SPAG17: variants seen among roughly 807,000 people sequenced by gnomAD.
SPAG17 encodes sperm associated antigen 17, also known as sperm-associated antigen 17.
In SPAG17, 169 loss-of-function variants were observed where a neutral mutation model predicts 273.6. The ratio of observed to expected loss-of-function variants is 0.62; its 90% confidence interval spans 0.55 to 0.70. The LOEUF is 0.70. Among genes scored for constraint, SPAG17 ranks in the 30% least tolerant of loss-of-function variants. The pLI is 0.00. For missense variants in SPAG17, 2,557 were observed against 2,627.8 expected (o/e 0.97, Z 0.59); for synonymous variants, 825 against 873.2 (o/e 0.94, Z 0.97).
chr1:118,132,963 G>A (rs1273962974), intron 3 of SPAG17, among the ~76,000 whole-genome samples: 2 of 152,020 alleles, frequency 1.3e-5, no homozygotes, highest in Non-Finnish European at 1.5e-5. Flanking sequence ...AGTAGAGATA[G>A]GGTTTCACTA....
intron 3 of SPAG17, among the ~76,000 whole-genome samples, chr1:118,117,413 A>C (rs1479643938): frequency 6.6e-6 from 1 of 152,198 alleles, no homozygotes; most frequent in South Asian, 2.1e-4. Context: ...CTGTATTAAA[A>C]TGTATTCAAA....
intron 25 of SPAG17, 131 bp from the exon 26 acceptor site, chr1:118,028,525 C>A: frequency 9.3e-7 from 1 of 1,070,108 alleles, no homozygotes; most frequent in South Asian, 2.1e-5. Flanking sequence ...CCTGCAAGGA[C>A]GCAGGAGTCT....
intron 3 of SPAG17, among the ~76,000 whole-genome samples, chr1:118,143,270 C>T (rs1357526112): frequency 3.3e-5 from 5 of 152,208 alleles, no homozygotes; most frequent in Non-Finnish European, 5.9e-5. Flanking sequence ...CCACAACAGT[C>T]ACTTCCAGAA....
At chr1:118,176,551 G>A (rs1660707717) in intron 1 of SPAG17, among the ~76,000 whole-genome samples, 1 of 152,076 alleles carries the variant, frequency 6.6e-6, no homozygotes, top group African/African-American at 2.4e-5. Context: ...GAGCTCCCAA[G>A]TACATAAAGC....
chr1:118,129,819 C>T (rs763178107), intron 3 of SPAG17, among the ~76,000 whole-genome samples: 1 of 151,020 alleles, frequency 6.6e-6, no homozygotes, highest in Non-Finnish European at 1.5e-5. Context: ...CCTCTTCCTC[C>T]TCCTCCTCTT....
intron 1 of SPAG17, among the ~76,000 whole-genome samples, chr1:118,181,958 A>G (rs1164571098): frequency 6.6e-6 from 1 of 152,164 alleles, no homozygotes; most frequent in Non-Finnish European, 1.5e-5. Context: ...AACAAAATTA[A>G]ATACAGAATT....
intron 40 of SPAG17, among the ~76,000 whole-genome samples, chr1:117,985,503 A>G (rs7517445): frequency 4.0e-4 from 61 of 152,322 alleles, no homozygotes; most frequent in African/African-American, 1.4e-3. Flanking sequence ...TGAGCATGGA[A>G]ATGATGTACT....
In SPAG17 at chr1:117,953,622, G is replaced by A; in HGVS notation, c.*428C>T. On this transcript the variant is annotated 3_prime_UTR_variant, in exon 49 of 49. Transcript: ENST00000336338. Reference sequence around the variant, plus strand: ...TAAAAGTTTTATTCTGTATCAACCAGAAAGCCATTTTTTTGGCAAAAAGTT... The same window carrying A: ...TAAAAGTTTTATTCTGTATCAACCAAAAAGCCATTTTTTTGGCAAAAAGTT... 1 of 1,479,202 alleles carries A rather than the reference G, an allele frequency of 6.8e-7. No individual in the cohort carries two copies. The highest frequency in any genetic ancestry group is 9.2e-7 in the Non-Finnish European group (1 of 1,092,072). 91.6% of individuals were successfully genotyped at this position (1,479,202 alleles called of 1,614,324 possible). A position where few individuals can be genotyped will look rare whatever the true frequency, so the allele number is the denominator to read the frequency against.
In SPAG17 at chr1:118,077,369, C is replaced by T. The variant is rs143723758; in HGVS notation, c.2210-2769G>A. ...GCCCTGAGATCCACCCTCCAGATTGCGTGGCCTCTAGGATACACTGTCCAC... is the reference window on the plus strand; with the variant it reads ...GCCCTGAGATCCACCCTCCAGATTGTGTGGCCTCTAGGATACACTGTCCAC... On this transcript the variant is annotated intron_variant, in intron 15 of 48. Transcript: ENST00000336338. Among the ~76,000 whole-genome samples the T allele has an allele frequency of 4.4e-4, 67 of 152,092 alleles. No homozygotes were observed. The South Asian group carries it at 7.9e-3, about 18-fold the overall frequency.
At chr1:118,054,122 G>A in intron 19 of SPAG17, 29 bp from the exon 20 acceptor site, 1 of 1,452,076 alleles carries the variant, frequency 6.9e-7, no homozygotes, top group Non-Finnish European at 9.6e-7. Context: ...AAACTTCTTA[G>A]TAACTCTTAA....
rs138880128 is a variant in SPAG17 at position 118,086,943 on chromosome 1, C to A, written c.1425G>T (p.Gly475=). The change falls in exon 11 of 49, where the codon GGG becomes GGT. Residue 475 remains glycine (G), a synonymous_variant. Coordinates refer to ENST00000336338, the MANE Select transcript of SPAG17 (RefSeq NM_206996.4). The part of the protein sequence containing the change: ...SLREPSPRAD[G]LDHRIAAHIV... ...TGTGAGCTGCGATTCTGTGGTCTAG[C>A]CCGTCTGCTCTGGGGGATGGCTCCC... 5.6e-6 allele frequency: 9 copies of A among 1,606,474 alleles called. No individual in the cohort carries two copies. The African/African-American group carries it at 9.4e-5, about 17-fold the overall frequency.
In SPAG17 at chr1:118,025,281, C is replaced by A. The variant is rs1314033400; in HGVS notation, c.3866G>T (p.Ser1289Ile). Residue 1289 changes from serine (S) to isoleucine (I), a missense_variant, in exon 27 of 49, where the codon AGT becomes ATT. Ser to Ile is a moderately radical substitution (Grantham distance 142). Transcript: ENST00000336338. ...CATATATTTGACAACAGTGCCTTGA[C>A]TGGTGATAACCCTTGAAGCCTCCTG... The part of the protein sequence containing the change: ...AEQEASRVIT[S>I]QGTVVKYMLD... The A allele has an allele frequency of 6.2e-7, 1 of 1,613,752 alleles. No homozygotes were observed. Among genetic ancestry groups the A allele is most frequent in the South Asian group, 1.1e-5 (1 of 91,080 alleles).
Position 118,012,489 on chromosome 1 carries a change from G to C in SPAG17, c.4288-117C>G. The stretch of plus-strand genomic sequence containing the variant: ...TCAAAGTCCTAGTTATTTATTTATA[G>C]GCAAAGTTTTATCTCATCTACCTGA... On this transcript the variant is annotated intron_variant, in intron 29 of 48. Transcript: ENST00000336338. The C allele has an allele frequency of 2.5e-6, 3 of 1,197,922 alleles. No homozygotes were observed. The East Asian group carries it at 7.4e-5, about 30-fold the overall frequency. 74.2% of individuals were successfully genotyped at this position (1,197,922 alleles called of 1,614,324 possible).
intron 1 of SPAG17, among the ~76,000 whole-genome samples, chr1:118,179,528 T>C (rs1484718517): frequency 3.3e-5 from 5 of 152,058 alleles, no homozygotes; most frequent in African/African-American, 1.2e-4. Context: ...GACATTGGTC[T>C]AGGCAAGTAT....
Position 117,979,301 on chromosome 1 carries a change from C to A in SPAG17, c.6004+1969G>T, listed in dbSNP as rs376972278. Among the ~76,000 whole-genome samples the A allele has an allele frequency of 5.3e-5, 8 of 152,268 alleles. No individual in the cohort carries two copies. In the East Asian group the frequency reaches 1.2e-3, roughly 22 times the overall value. On this transcript the variant is annotated intron_variant, in intron 43 of 48. Coordinates refer to ENST00000336338, the MANE Select transcript of SPAG17 (RefSeq NM_206996.4). The stretch of plus-strand genomic sequence containing the variant: ...ACATCAGCACCACTTGTGAACTCAT[C>A]AAAACTACAAATTCTCAGCCTCACA...
At chr1:117,959,519 T>G in intron 48 of SPAG17, 4 of 1,418,786 alleles carry the variant, frequency 2.8e-6, no homozygotes, top group African/African-American at 1.5e-5. Flanking sequence ...CACAGAAGAG[T>G]TGGCGTCATC....
At chr1:118,065,310 C>T (rs577693913) in intron 18 of SPAG17, among the ~76,000 whole-genome samples, 195 of 152,168 alleles carry the variant, frequency 1.3e-3, no homozygotes, top group African/African-American at 4.3e-3. Context: ...GAAGTCGTGT[C>T]AGTAATCAAA....
chr1:118,080,076 A>G (rs930448133), intron 15 of SPAG17, among the ~76,000 whole-genome samples: 1 of 151,570 alleles, frequency 6.6e-6, no homozygotes, highest in African/African-American at 2.4e-5. Flanking sequence ...TAATTTTTTT[A>G]TTTTTCTTTA....
chr1:118,150,727 G>A, intron 2 of SPAG17, 98 bp from the exon 3 acceptor site: 1 of 645,014 alleles, frequency 1.6e-6, no homozygotes, highest in Non-Finnish European at 2.6e-6. Context: ...CTGAAGGGTT[G>A]GGGAACCTAG....
Sources: gnomAD v4.1 joint callset for allele counts (sites outside exome capture counted in the v4.1 genomes callset) on GRCh38, gnomAD v4.1.1 for gene constraint, MANE v1.5 for transcripts, NCBI Gene and HGNC (gene_info 2026-07-23, HGNC 2026-07-21) for gene names.